JARID2: variants seen among roughly 807,000 people sequenced by gnomAD.
JARID2 encodes jumonji and AT-rich interaction domain containing 2, also known as protein Jumonji.
JARID2 carries 21 observed loss-of-function variants against 125.6 expected under a neutral mutation model. The ratio of observed to expected loss-of-function variants is 0.17; its 90% CI spans 0.12 to 0.24. The LOEUF (loss-of-function observed/expected upper bound fraction) is 0.24, where lower values mean the gene tolerates loss of function less well. Among genes scored for constraint, JARID2 ranks in the 10% least tolerant of loss-of-function variants. JARID2 has a pLI of 1.00. For synonymous variants in JARID2, 736 were observed against 661.6 expected (o/e 1.11, Z -1.73); for missense variants, 1,303 against 1,639.6 (o/e 0.79, Z 3.55).
intron 1 of JARID2, among the ~76,000 whole-genome samples, chr6:15,285,910 G>A (rs1192215606): frequency 6.6e-6 from 1 of 152,244 alleles, no homozygotes; most frequent in African/African-American, 2.4e-5. Flanking sequence ...CCCACTTGAT[G>A]AAAGAGCAGC....
intron 1 of JARID2, among the ~76,000 whole-genome samples, chr6:15,333,276 A>G (rs1233160489): frequency 6.6e-6 from 1 of 152,138 alleles, no homozygotes; most frequent in African/African-American, 2.4e-5. Context: ...TTTTTAGTAT[A>G]TTCACAGTTA....
At chr6:15,323,531 A>C (rs1762426794) in intron 1 of JARID2, among the ~76,000 whole-genome samples, 1 of 152,274 alleles carries the variant, frequency 6.6e-6, no homozygotes, top group African/African-American at 2.4e-5. Context: ...CAGATCTTCA[A>C]ATTCAGTCAC....
chr6:15,448,801 C>T (rs973468219), intron 3 of JARID2, among the ~76,000 whole-genome samples: 2 of 151,792 alleles, frequency 1.3e-5, no homozygotes, highest in African/African-American at 2.4e-5. Flanking sequence ...TGCTCGAGAC[C>T]TGGCCATCAC....
intron 3 of JARID2, among the ~76,000 whole-genome samples, chr6:15,411,494 T>G (rs1765873814): frequency 6.6e-6 from 1 of 152,226 alleles, no homozygotes; most frequent in Non-Finnish European, 1.5e-5. Flanking sequence ...TCTTAGAAGA[T>G]GTCATAAGAT....
At chr6:15,347,776 G>A (rs1763290307) in intron 1 of JARID2, among the ~76,000 whole-genome samples, 1 of 152,144 alleles carries the variant, frequency 6.6e-6, no homozygotes, top group African/African-American at 2.4e-5. Context: ...GGAGTGCAGT[G>A]GCGCTATCAT....
chr6:15,350,482 T>C (rs576052284), intron 1 of JARID2, among the ~76,000 whole-genome samples: 3 of 152,256 alleles, frequency 2.0e-5, no homozygotes, highest in Non-Finnish European at 4.4e-5. Flanking sequence ...GGAAGAACTT[T>C]GGTGTTACTG....
chr6:15,369,507 G>C (rs1034393592), intron 1 of JARID2, among the ~76,000 whole-genome samples: 1 of 152,160 alleles, frequency 6.6e-6, no homozygotes, highest in Non-Finnish European at 1.5e-5. Flanking sequence ...GCTTGGTTTT[G>C]TGGGCCATTC....
At chr6:15,458,933 G>T (rs980420787) in intron 4 of JARID2, among the ~76,000 whole-genome samples, 2 of 152,156 alleles carry the variant, frequency 1.3e-5, no homozygotes, top group Non-Finnish European at 2.9e-5. Context: ...ATCCCTTGGC[G>T]TTCTTCAAGT....
At chr6:15,440,406 C>G (rs895959903) in intron 3 of JARID2, among the ~76,000 whole-genome samples, 2 of 152,112 alleles carry the variant, frequency 1.3e-5, no homozygotes, top group Non-Finnish European at 2.9e-5. Flanking sequence ...TTGGGCTGAC[C>G]CCTTTGCATC....
chr6:15,266,963 G>A (rs80264653), intron 1 of JARID2, among the ~76,000 whole-genome samples: 12,038 of 152,302 alleles, frequency 0.079, 543 homozygotes, highest in East Asian at 0.15. Flanking sequence ...TGGGGTGCAC[G>A]TGCGTCCCTG....
At chr6:15,489,236 T>C (rs1263632743) in intron 6 of JARID2, among the ~76,000 whole-genome samples, 1 of 152,208 alleles carries the variant, frequency 6.6e-6, no homozygotes, top group Non-Finnish European at 1.5e-5. Context: ...TTTTGAGTTT[T>C]TTTAGTTTAC....
At chr6:15,264,407 C>T (rs964675850) in intron 1 of JARID2, among the ~76,000 whole-genome samples, 9 of 152,084 alleles carry the variant, frequency 5.9e-5, no homozygotes, top group African/African-American at 2.2e-4. Flanking sequence ...TCAAAAAATT[C>T]TTTACTAATG....
rs1485820777 is a variant in JARID2 at position 15,400,769 on chromosome 6, C to T, written c.182-9455C>T. The T allele has an allele frequency of 5.1e-6, 5 of 984,498 alleles. No homozygotes were observed. In the East Asian group the frequency reaches 3.4e-4, roughly 67 times the overall value. 61.0% of individuals were successfully genotyped at this position (984,498 alleles called of 1,614,324 possible). ...TTCTCTCCTGGCTGCCTCCCCTCCC[C>T]CTCGGCCCCATTGCTGTTCTGGCCG... On this transcript the variant is annotated intron_variant, in intron 2 of 17. Transcript: ENST00000341776.
intron 5 of JARID2, among the ~76,000 whole-genome samples, chr6:15,474,089 G>A (rs1769225686): frequency 6.6e-6 from 1 of 152,222 alleles, no homozygotes; most frequent in South Asian, 2.1e-4. Context: ...AGATGACAAG[G>A]AAACAAACTG....
At chr6:15,513,599 C>T (rs565443165) in intron 16 of JARID2, among the ~76,000 whole-genome samples, 177 bp downstream of exon 16, 1 of 152,374 alleles carries the variant, frequency 6.6e-6, no homozygotes, top group East Asian at 1.9e-4. Flanking sequence ...GCTGCCTCAC[C>T]CACAGTGACC....
At chr6:15,292,313 G>A (rs772353865) in intron 1 of JARID2, among the ~76,000 whole-genome samples, 16 of 152,082 alleles carry the variant, frequency 1.1e-4, no homozygotes, top group Non-Finnish European at 2.2e-4. Context: ...GAGACACCGC[G>A]CCCAGCTGAA....
In JARID2 at chr6:15,415,863, C is replaced by T. The variant is rs1426595087; in HGVS notation, c.323+5498C>T. On this transcript the variant is annotated intron_variant, in intron 3 of 17. Coordinates refer to ENST00000341776, the MANE Select transcript of JARID2 (RefSeq NM_004973.4). Reference sequence around the variant, plus strand: ...CTCCCGGACGGGGCGGCTGGCTGGGCGGGGGCTGACCCCCACCTCCCTCCC... The same window carrying T: ...CTCCCGGACGGGGCGGCTGGCTGGGTGGGGGCTGACCCCCACCTCCCTCCC... Among the ~76,000 whole-genome samples, 17 of 143,278 alleles carry T rather than the reference C, an allele frequency of 1.2e-4. No homozygotes were observed. In the East Asian group the frequency reaches 3.5e-3, roughly 30 times the overall value. 94.0% of individuals were successfully genotyped at this position (143,278 alleles called of 152,430 possible).
intron 4 of JARID2, among the ~76,000 whole-genome samples, chr6:15,463,953 A>G (rs1220629672): frequency 1.3e-5 from 2 of 152,220 alleles, no homozygotes; most frequent in African/African-American, 4.8e-5. Flanking sequence ...ATTTATTTCT[A>G]AATGAGATAA....
At chr6:15,280,183 C>G (rs896843466) in intron 1 of JARID2, among the ~76,000 whole-genome samples, 1 of 152,142 alleles carries the variant, frequency 6.6e-6, no homozygotes, top group African/African-American at 2.4e-5. Flanking sequence ...GTTGCTCCTG[C>G]TGCAGCACTT....
Sources: allele counts gnomAD v4.1 joint callset (sites outside exome capture counted in the v4.1 genomes callset), GRCh38; gene constraint gnomAD v4.1.1; transcripts MANE v1.5; gene names NCBI Gene and HGNC (gene_info 2026-07-23, HGNC 2026-07-21).